The following RARB variants were observed in gnomAD, a reference collection of about 807,000 sequenced individuals.
The protein encoded by RARB is HBV-activated protein.
A neutral mutation model predicts 51.9 loss-of-function variants in RARB; 17 were observed. That is an observed-to-expected ratio of 0.33 (90% CI 0.22 to 0.49). The LOEUF is 0.49. RARB is among the 20% of genes least tolerant of loss of function. RARB has a pLI of 0.99. For synonymous variants in RARB, 215 were observed against 195.4 expected (o/e 1.10, Z -0.84); for missense variants, 369 against 550.8 (o/e 0.67, Z 3.30).
In RARB at chr3:25,253,435, C is replaced by A. The variant is rs183024268; in HGVS notation, c.178+78860C>A. Reference sequence around the variant, plus strand: ...ATGGTGTGTCTGCCCACCCAATTACCCTGAAGGATCTATAAAATATTCAAA... The same window carrying A: ...ATGGTGTGTCTGCCCACCCAATTACACTGAAGGATCTATAAAATATTCAAA... On this transcript the variant is annotated intron_variant, in intron 5 of 11. Transcript: ENST00000383772. Among the ~76,000 whole-genome samples, 21 of 152,078 alleles carry A rather than the reference C, an allele frequency of 1.4e-4. No homozygotes were observed. The East Asian group carries it at 4.1e-3, about 29-fold the overall frequency.
intron 3 of RARB, among the ~76,000 whole-genome samples, chr3:25,563,632 C>T (rs1017646340): frequency 6.6e-6 from 1 of 152,182 alleles, no homozygotes; most frequent in African/African-American, 2.4e-5. Context: ...ATCCACCTGC[C>T]TTCAGATCCA....
chr3:25,280,635 A>T (rs1332562956), intron 5 of RARB, among the ~76,000 whole-genome samples: 1 of 152,202 alleles, frequency 6.6e-6, no homozygotes, highest in Non-Finnish European at 1.5e-5. Context: ...GGGTACAGAG[A>T]CACAGATGTT....
At chr3:24,883,286 T>C (rs1703205093) in intron 2 of RARB, among the ~76,000 whole-genome samples, 1 of 152,020 alleles carries the variant, frequency 6.6e-6, no homozygotes, top group Non-Finnish European at 1.5e-5. Context: ...GTGCATGTAG[T>C]CCTTTGATAT....
rs762658175 is a variant in RARB, at chr3:25,569,818, G to T, written c.509G>T (p.Ser170Ile). 5.6e-6 allele frequency: 9 copies of T among 1,614,228 alleles called. No individual in the cohort carries two copies. Among genetic ancestry groups the T allele is most frequent in the South Asian group, 5.5e-5 (5 of 91,088 alleles). The change falls in exon 4 of 8, where the codon AGC becomes ATC. Residue 170 changes from serine to isoleucine, a missense_variant. Physicochemically the swap from Ser to Ile is moderately radical, Grantham distance 142. Transcript: ENST00000330688. Reference sequence around the variant, plus strand: ...ACTTCGAAGCAAGAATGCACAGAGAGCTATGAAATGACAGCTGAGTTGGAC... The same window carrying T: ...ACTTCGAAGCAAGAATGCACAGAGATCTATGAAATGACAGCTGAGTTGGAC... ...KETSKQECTE[S>I]YEMTAELDDL...
rs113216805 is a variant in RARB at position 25,597,587 on chromosome 3, T to C, written c.*971T>C. Reference sequence around the variant, plus strand: ...TGTCCTTCCTGATTCATGCCTGATATTGGGATTTTTTTTTCCAGCCTTCTT... The same window carrying C: ...TGTCCTTCCTGATTCATGCCTGATACTGGGATTTTTTTTTCCAGCCTTCTT... On this transcript the variant is annotated 3_prime_UTR_variant, in exon 8 of 8. Transcript: ENST00000330688. 8.5e-5 allele frequency: 13 copies of C among 152,290 alleles called. No homozygotes were observed. The highest frequency in any genetic ancestry group is 3.2e-3 in the Middle Eastern group (1 of 316). 9.4% of individuals were successfully genotyped at this position (152,290 alleles called of 1,614,324 possible).
intron 5 of RARB, among the ~76,000 whole-genome samples, chr3:25,365,353 C>A (rs1350789463): frequency 6.6e-6 from 1 of 151,776 alleles, no homozygotes; most frequent in Non-Finnish European, 1.5e-5. Context: ...CTAAAGTGAT[C>A]CTCCTGCCTC....
intron 5 of RARB, among the ~76,000 whole-genome samples, chr3:25,290,547 C>A (rs1703762540): frequency 6.6e-6 from 1 of 152,192 alleles, no homozygotes; most frequent in South Asian, 2.1e-4. Context: ...GCCTTCATGA[C>A]TGGGGAAGAT....
chr3:25,139,263 T>C (rs1700075715), intron 4 of RARB, among the ~76,000 whole-genome samples: 1 of 152,106 alleles, frequency 6.6e-6, no homozygotes, highest in Admixed American at 6.5e-5. Context: ...TTAAACTTAG[T>C]GAAGAAAGCC....
At chr3:25,578,046 A>G (rs1175311595) in intron 4 of RARB, among the ~76,000 whole-genome samples, 1 of 152,202 alleles carries the variant, frequency 6.6e-6, no homozygotes. Flanking sequence ...ACTCACAGCA[A>G]GGGTCACTCC....
chr3:25,327,809 G>C (rs1417906985), intron 5 of RARB, among the ~76,000 whole-genome samples: 1 of 152,172 alleles, frequency 6.6e-6, no homozygotes, highest in Non-Finnish European at 1.5e-5. Flanking sequence ...AATGTAATTG[G>C]TATATTATCT....
chr3:25,159,175 T>C (rs939447011), intron 4 of RARB, among the ~76,000 whole-genome samples: 3 of 146,432 alleles, frequency 2.0e-5, no homozygotes, highest in African/African-American at 7.7e-5. Flanking sequence ...TTTTTTTTTT[T>C]TTTTTGAGAT....
intron 2 of RARB, among the ~76,000 whole-genome samples, chr3:24,873,109 T>C (rs1033588734): frequency 3.3e-5 from 5 of 152,240 alleles, no homozygotes; most frequent in African/African-American, 9.6e-5. Flanking sequence ...TAAAAGTTTA[T>C]GAAAACAGAT....
At chr3:25,574,102 C>T (rs1487003836) in intron 4 of RARB, among the ~76,000 whole-genome samples, 4 of 152,226 alleles carry the variant, frequency 2.6e-5, no homozygotes, top group African/African-American at 9.6e-5. Context: ...TATAGATGAG[C>T]TTTCCAAAAT....
chr3:25,388,253 A>C (rs936559799), intron 5 of RARB, among the ~76,000 whole-genome samples: 1 of 152,222 alleles, frequency 6.6e-6, no homozygotes, highest in African/African-American at 2.4e-5. Flanking sequence ...CTAAATTCTA[A>C]ATAATCAATT....
chr3:25,533,434 G>A (rs1699008847), intron 3 of RARB, among the ~76,000 whole-genome samples: 1 of 152,178 alleles, frequency 6.6e-6, no homozygotes, highest in South Asian at 2.1e-4. Context: ...GGATAGTGGT[G>A]TATTATTTCA....
At chr3:25,060,324 T>A (rs1698523743) in intron 3 of RARB, 1 of 151,890 alleles carries the variant, frequency 6.6e-6, no homozygotes, top group Non-Finnish European at 1.5e-5. Flanking sequence ...AACCAATATT[T>A]ATATTTTTAC....
chr3:25,560,303 C>T (rs1700221199), intron 3 of RARB, among the ~76,000 whole-genome samples: 1 of 152,174 alleles, frequency 6.6e-6, no homozygotes, highest in African/African-American at 2.4e-5. Flanking sequence ...ACACCTATAT[C>T]TACATGTAGA....
intron 1 of RARB, among the ~76,000 whole-genome samples, chr3:25,448,537 G>A (rs565171237): frequency 2.0e-5 from 3 of 151,912 alleles, no homozygotes; most frequent in Admixed American, 1.3e-4. Context: ...GTATGATCTC[G>A]GCTCACCACA....
intron 5 of RARB, among the ~76,000 whole-genome samples, chr3:25,289,017 A>G (rs745873450): frequency 2.1e-4 from 32 of 152,364 alleles, no homozygotes; most frequent in Non-Finnish European, 3.4e-4. Flanking sequence ...TAACTCATTC[A>G]TACTGTTCCG....
Sources: gnomAD v4.1 joint callset for allele counts (sites outside exome capture counted in the v4.1 genomes callset) on GRCh38, gnomAD v4.1.1 for gene constraint, MANE v1.5 for transcripts, NCBI Gene and HGNC (gene_info 2026-07-23, HGNC 2026-07-21) for gene names.